Variants in TRPM1 observed in about 807,000 individuals in gnomAD.
TRPM1 encodes TRPM1-203 APA Isoform, Intron 10.
TRPM1 carries 113 observed loss-of-function variants against 149.4 expected under a neutral mutation model. The observed-to-expected ratio is 0.76, with a 90% CI of 0.65 to 0.88. TRPM1 has a LOEUF of 0.88. Among genes scored for constraint, TRPM1 ranks in the 40% least tolerant of loss-of-function variants. The probability of loss-of-function intolerance (pLI) is 0.00; values close to 1 mark genes in which losing one functional copy is unlikely to be tolerated. For missense variants in TRPM1, 1,976 were observed against 2,038.7 expected, an observed-to-expected ratio of 0.97 and a Z score of 0.59; for synonymous variants, 741 against 759.5, an observed-to-expected ratio of 0.98 and a Z score of 0.40.
intron 7 of TRPM1, among the ~76,000 whole-genome samples, chr15:31,063,952 C>T (rs916764008): frequency 6.6e-6 from 1 of 152,058 alleles, no homozygotes; most frequent in African/African-American, 2.4e-5. Context: ...GCTGTCCTAG[C>T]CTATGGTCTG....
intron 1 of TRPM1, among the ~76,000 whole-genome samples, chr15:31,113,432 G>GTTTT (rs3080947): frequency 5.3e-5 from 8 of 149,572 alleles, no homozygotes; most frequent in African/African-American, 1.2e-4. Context: ...AGCTCTGACA[G>GTTTT]TTTTTTTTTT....
At chr15:31,145,414 T>C (rs1015342906) in intron 1 of TRPM1, among the ~76,000 whole-genome samples, 1 of 152,202 alleles carries the variant, frequency 6.6e-6, no homozygotes, top group African/African-American at 2.4e-5. Context: ...GCAGTTAGAA[T>C]TTCACAATCC....
At chr15:31,102,468 C>T (rs1300862847), upstream of TRPM1, among the ~76,000 whole-genome samples, 1 of 152,250 alleles carries the variant, frequency 6.6e-6, no homozygotes, top group Non-Finnish European at 1.5e-5. Flanking sequence ...CCGCCTCCCG[C>T]TTCTCACAGA....
rs1369927480 is a variant in TRPM1 at position 31,002,513 on chromosome 15, T to G, written c.4187A>C (p.Glu1396Ala). The stretch of plus-strand genomic sequence containing the variant: ...ATTTAAACTTGGGGAAATAGTTTCT[T>G]CTTTTTTAGAGTCTGTCTGTCTTTC... Reference protein sequence around the residue: ...DDERQTDSKKEETISPSLNKT... With the variant: ...DDERQTDSKKAETISPSLNKT... The change falls in exon 28 of 28, where the codon GAA becomes GCA. Residue 1396 changes from glutamate to alanine, a missense_variant. Physicochemically the swap from Glu to Ala is moderately radical, Grantham distance 107. Coordinates refer to ENST00000256552, the MANE Select transcript of TRPM1 (RefSeq NM_001252024.2). 1 of 1,614,080 alleles carries G rather than the reference T, an allele frequency of 6.2e-7. No homozygotes were observed. Among genetic ancestry groups the G allele is most frequent in the Non-Finnish European group, 8.5e-7 (1 of 1,180,044 alleles).
rs1320679082 is a variant in TRPM1, at chr15:31,001,655, T to A, written c.*167A>T. On this transcript the variant is annotated 3_prime_UTR_variant, in exon 28 of 28. Transcript: ENST00000256552. ...ACTGAAAAAACTAAGCCTACTAACATATGCTAACAAAATACTACTTTTAGT... is the reference window on the plus strand; with the variant it reads ...ACTGAAAAAACTAAGCCTACTAACAAATGCTAACAAAATACTACTTTTAGT... 4.4e-6 allele frequency: 3 copies of A among 687,636 alleles called. No individual in the cohort carries two copies. Among genetic ancestry groups the A allele is most frequent in the Non-Finnish European group, 7.2e-6 (3 of 415,662 alleles). The allele number at this position is 687,636 out of a possible 1,614,324, so 42.6% of individuals were successfully genotyped here.
At chr15:31,148,408 C>T (rs981417355) in intron 1 of TRPM1, among the ~76,000 whole-genome samples, 1 of 152,162 alleles carries the variant, frequency 6.6e-6, no homozygotes, top group Non-Finnish European at 1.5e-5. Context: ...CTGCACCCTG[C>T]GTTGTGTAGG....
rs536539500 is a variant in TRPM1 at position 31,133,164 on chromosome 15, T to C, written c.54+27742A>G. 2.6e-5 allele frequency among the ~76,000 whole-genome samples: 4 copies of C among 152,270 alleles called. No individual in the cohort carries two copies. In the South Asian group the frequency reaches 8.3e-4, roughly 32 times the overall value. ...ATAAGGAAACTGCAGTGGCCGAGCG[T>C]GGTGGCTCACACCTGTAATCCTAGC... is the stretch of plus-strand genomic sequence containing the variant. On this transcript the variant is annotated intron_variant, in intron 1 of 26. Coordinates refer to the TRPM1 transcript ENST00000542188.
chr15:31,096,529 T>C (rs1489369926), intron 1 of TRPM1, among the ~76,000 whole-genome samples: 1 of 152,094 alleles, frequency 6.6e-6, no homozygotes, highest in Non-Finnish European at 1.5e-5. Flanking sequence ...TTGGCCAACA[T>C]CACCTGGCCA....
At chr15:31,128,585 G>A (rs1353473324) in intron 1 of TRPM1, among the ~76,000 whole-genome samples, 2 of 152,180 alleles carry the variant, frequency 1.3e-5, no homozygotes, top group Admixed American at 6.5e-5. Context: ...GGGAGACGGT[G>A]CTGGATGGGG....
intron 27 of TRPM1, among the ~76,000 whole-genome samples, chr15:31,019,470 C>T (rs779557027): frequency 4.6e-5 from 7 of 152,190 alleles, no homozygotes; most frequent in Non-Finnish European, 8.8e-5. Flanking sequence ...GGCACTATCT[C>T]GGCTCAGTGC....
chr15:31,031,974 A>G (rs969748143), intron 22 of TRPM1, among the ~76,000 whole-genome samples: 3 of 149,252 alleles, frequency 2.0e-5, no homozygotes, highest in African/African-American at 5.0e-5. Context: ...TCCGGCTTCT[A>G]CCACATGTTA....
At chr15:31,045,262 C>CAA (rs2033731031) in intron 16 of TRPM1, among the ~76,000 whole-genome samples, 1 of 152,128 alleles carries the variant, frequency 6.6e-6, no homozygotes, top group African/African-American at 2.4e-5. Flanking sequence ...AGAATGTTTC[C>CAA]AAGAGTCAAT....
At chr15:31,110,852 TCTCA>T (rs956984886) in intron 1 of TRPM1, among the ~76,000 whole-genome samples, 7 of 151,866 alleles carry the variant, frequency 4.6e-5, no homozygotes, top group South Asian at 2.1e-4. Context: ...TTTCTCTCTC[TCTCA>T]CTTTTTCTTT....
chr15:31,011,609 G>A (rs116924272), intron 27 of TRPM1, among the ~76,000 whole-genome samples: 3,180 of 151,506 alleles, frequency 0.021, 53 homozygotes, highest in Non-Finnish European at 0.029. Context: ...TGCTTGCCCT[G>A]GGGATTATCA....
intron 1 of TRPM1, among the ~76,000 whole-genome samples, chr15:31,093,912 T>C (rs2035309266): frequency 6.6e-6 from 1 of 151,942 alleles, no homozygotes; most frequent in South Asian, 2.1e-4. Flanking sequence ...GACAAAGCAA[T>C]CTTGAAAAAA....
chr15:31,073,594 A>G (rs1479034386), intron 3 of TRPM1, among the ~76,000 whole-genome samples: 1 of 152,054 alleles, frequency 6.6e-6, no homozygotes, highest in Non-Finnish European at 1.5e-5. Flanking sequence ...TAGTTCTAAT[A>G]TTTTTTGGTG....
At chr15:31,026,114 C>A (rs755723063) in intron 27 of TRPM1, 25 bp downstream of exon 27, 4 of 1,608,660 alleles carry the variant, frequency 2.5e-6, no homozygotes, top group East Asian at 4.5e-5. Context: ...GGCTCACGGG[C>A]CCGCGGTGGG....
intron 26 of TRPM1, 32 bp from the exon 27 acceptor site, chr15:31,026,303 A>C (rs1261884716): frequency 6.2e-7 from 1 of 1,605,838 alleles, no homozygotes; most frequent in Admixed American, 1.7e-5. Context: ...GGCCACGTGA[A>C]AAACAAGAAG....
At chr15:31,069,884 A>G in intron 4 of TRPM1, 147 bp downstream of exon 4, 1 of 1,599,722 alleles carries the variant, frequency 6.3e-7, no homozygotes, top group African/African-American at 1.3e-5. Flanking sequence ...ATGTGCACAG[A>G]TATATCTCTT....
Sources: gnomAD v4.1 joint callset for allele counts (sites outside exome capture counted in the v4.1 genomes callset) on GRCh38, gnomAD v4.1.1 for gene constraint, MANE v1.5 for transcripts, NCBI Gene and HGNC (gene_info 2026-07-23, HGNC 2026-07-21) for gene names.